Variants in XKR9 observed in about 807,000 individuals in gnomAD.
XKR9 encodes XK related 9.
A neutral mutation model predicts 32.0 loss-of-function variants in XKR9; 32 were observed. That is an observed-to-expected ratio of 1.00 (90% confidence interval 0.76 to 1.34). The LOEUF (loss-of-function observed/expected upper bound fraction) is 1.34, where lower values mean the gene tolerates loss of function less well. Among genes scored for constraint, XKR9 ranks in the 40% most tolerant of loss-of-function variants. The pLI, the probability that XKR9 is intolerant of heterozygous loss-of-function variation, is 0.00. For missense variants in XKR9, 546 were observed against 429.7 expected (o/e 1.27, Z -2.39); for synonymous variants, 168 against 143.4 (o/e 1.17, Z -1.22).
chr8:70,803,575 T>G, the XKR9 span, among the ~76,000 whole-genome samples: 1 of 152,170 alleles, frequency 6.6e-6, no homozygotes, highest in Non-Finnish European at 1.5e-5. Context: ...GGGCTGATGA[T>G]TTTTGAAGTT....
chr8:70,934,424 A>C, the XKR9 span, among the ~76,000 whole-genome samples: 1 of 152,062 alleles, frequency 6.6e-6, no homozygotes, highest in African/African-American at 2.4e-5. Flanking sequence ...AAACCCTGCT[A>C]TGTGACAATC....
intron 4 of XKR9, among the ~76,000 whole-genome samples, chr8:70,709,928 G>A (rs1427614852): frequency 1.3e-5 from 2 of 151,512 alleles, no homozygotes; most frequent in African/African-American, 4.8e-5. Context: ...ATTTTATACA[G>A]AATGAAAAAA....
intron 3 of XKR9, among the ~76,000 whole-genome samples, chr8:70,695,185 T>C (rs776869905): frequency 6.6e-6 from 1 of 151,404 alleles, no homozygotes; most frequent in Non-Finnish European, 1.5e-5. Context: ...TTTTATTTTA[T>C]TATTATTATA....
At chr8:70,874,399 C>T in the XKR9 span, among the ~76,000 whole-genome samples, 4 of 152,126 alleles carry the variant, frequency 2.6e-5, no homozygotes, top group African/African-American at 7.2e-5. Context: ...GCCTTGAATA[C>T]TCTGATATAT....
the XKR9 span, among the ~76,000 whole-genome samples, chr8:70,804,249 T>C: frequency 4.0e-4 from 61 of 152,248 alleles, no homozygotes; most frequent in Non-Finnish European, 1.3e-4. Context: ...CGGGGTCACC[T>C]GCCCTGCTGT....
At chr8:71,030,440 T>C in the XKR9 span, among the ~76,000 whole-genome samples, 3 of 152,180 alleles carry the variant, frequency 2.0e-5, no homozygotes, top group African/African-American at 4.8e-5. Context: ...CTCGGAAATA[T>C]AGCAAAAGTG....
At chr8:70,952,973 G>T in the XKR9 span, among the ~76,000 whole-genome samples, 1 of 152,320 alleles carries the variant, frequency 6.6e-6, no homozygotes, top group Non-Finnish European at 1.5e-5. Context: ...CATTAATTGT[G>T]GTGTAGACCA....
At chr8:70,724,623 G>C (rs541538930) in intron 4 of XKR9, among the ~76,000 whole-genome samples, 1 of 152,226 alleles carries the variant, frequency 6.6e-6, no homozygotes, top group East Asian at 1.9e-4. Flanking sequence ...CCCTTGGCTA[G>C]GGGAGGGAGG....
the XKR9 span, among the ~76,000 whole-genome samples, chr8:70,855,106 CT>C: frequency 6.6e-6 from 1 of 151,724 alleles, no homozygotes; most frequent in East Asian, 1.9e-4. Context: ...TATAAATTAC[CT>C]TGGACAGTAT....
the XKR9 span, among the ~76,000 whole-genome samples, chr8:70,946,064 G>A: frequency 3.9e-5 from 6 of 152,114 alleles, no homozygotes; most frequent in Non-Finnish European, 8.8e-5. Flanking sequence ...GAACCTGGGA[G>A]GCGGAGGTTG....
At chr8:70,768,462 G>T (rs1272945915) in intron 2 of XKR9, among the ~76,000 whole-genome samples, 5 of 152,068 alleles carry the variant, frequency 3.3e-5, no homozygotes, top group Non-Finnish European at 5.9e-5. Flanking sequence ...TGAGTTCAAG[G>T]CCTGAATATC....
At chr8:70,776,947 C>CTCTCTATATATATATATATA in intron 2 of XKR9, among the ~76,000 whole-genome samples, 12 of 54,202 alleles carry the variant, frequency 2.2e-4, no homozygotes, top group South Asian at 1.8e-3. Flanking sequence ...CTCTCTCTCT[C>CTCTCTATATATATATATATA]TATATATATA....
At chr8:70,938,304 T>C in the XKR9 span, among the ~76,000 whole-genome samples, 1 of 151,820 alleles carries the variant, frequency 6.6e-6, no homozygotes, top group South Asian at 2.1e-4. Flanking sequence ...GCAGTCATAC[T>C]TAGTGCTCGA....
downstream of XKR9, among the ~76,000 whole-genome samples, chr8:70,738,363 C>T (rs1806901881): frequency 6.8e-6 from 1 of 147,206 alleles, no homozygotes; most frequent in African/African-American, 2.5e-5. Context: ...TTTCTCTTTT[C>T]TTCTTTATTA....
intron 2 of XKR9, among the ~76,000 whole-genome samples, chr8:70,770,976 C>A (rs1419524899): frequency 6.6e-6 from 1 of 152,196 alleles, no homozygotes; most frequent in Non-Finnish European, 1.5e-5. Flanking sequence ...AAAACTCCTG[C>A]AGCTAGCTTG....
intron 4 of XKR9, among the ~76,000 whole-genome samples, chr8:70,721,590 G>T (rs1806283335): frequency 6.6e-6 from 1 of 152,164 alleles, no homozygotes; most frequent in African/African-American, 2.4e-5. Context: ...AGGTTGTTCA[G>T]TTTCCATGTA....
chr8:70,843,404 TA>T, the XKR9 span, among the ~76,000 whole-genome samples: 1 of 152,230 alleles, frequency 6.6e-6, no homozygotes, highest in South Asian at 2.1e-4. Flanking sequence ...TTTGAGTTTT[TA>T]TTGTCATACC....
chr8:71,038,324 G>GTT, the XKR9 span, among the ~76,000 whole-genome samples: 35 of 78,118 alleles, frequency 4.5e-4, no homozygotes, highest in Non-Finnish European at 5.4e-4. Context: ...TTTCCTCTTT[G>GTT]TTTTTTTTTT....
the XKR9 span, among the ~76,000 whole-genome samples, chr8:70,977,110 T>G: frequency 6.6e-6 from 1 of 152,214 alleles, no homozygotes; most frequent in Non-Finnish European, 1.5e-5. Context: ...CTTCTCTTTT[T>G]CTTCTTTGTT....
Sources: gnomAD v4.1 joint callset for allele counts (sites outside exome capture counted in the v4.1 genomes callset) on GRCh38, gnomAD v4.1.1 for gene constraint, MANE v1.5 for transcripts, NCBI Gene and HGNC (gene_info 2026-07-23, HGNC 2026-07-21) for gene names.